L2HGDH: variants seen among roughly 807,000 people sequenced by gnomAD.
L2HGDH encodes L-2-hydroxyglutarate dehydrogenase, also known as L-2-hydroxyglutarate dehydrogenase, mitochondrial.
L2HGDH carries 34 observed loss-of-function variants against 51.5 expected under a neutral mutation model. The ratio of observed to expected loss-of-function variants is 0.66; its 90% CI spans 0.50 to 0.88. L2HGDH has a LOEUF of 0.88. L2HGDH is among the 40% of genes least tolerant of loss of function. L2HGDH has a pLI of 0.00. For synonymous variants in L2HGDH, 198 were observed against 197.9 expected (o/e 1.00, Z -0.01); for missense variants, 558 against 571.9 (o/e 0.98, Z 0.25).
chr14:50,257,964 G>C (rs914530116), intron 9 of L2HGDH, among the ~76,000 whole-genome samples: 3 of 151,202 alleles, frequency 2.0e-5, no homozygotes, highest in Non-Finnish European at 2.9e-5. Context: ...AATCATCTGG[G>C]AGGGGTTGGA....
At chr14:50,254,493 C>T (rs569423360) in intron 9 of L2HGDH, among the ~76,000 whole-genome samples, 1 of 152,062 alleles carries the variant, frequency 6.6e-6, no homozygotes, top group Non-Finnish European at 1.5e-5. Flanking sequence ...CTGAACTCAT[C>T]GAAGTAGCAT....
At chr14:50,260,438 GATCTAC>G (rs1270546156) in intron 9 of L2HGDH, among the ~76,000 whole-genome samples, 2 of 152,166 alleles carry the variant, frequency 1.3e-5, no homozygotes, top group Admixed American at 6.5e-5. Context: ...AAGCATTTAA[GATCTAC>G]ATATTTTATA....
At position 50,254,671 on chromosome 14, in the gene L2HGDH, A is replaced by T. The variant is rs147963510; in HGVS notation, c.1197-7418T>A. Among the ~76,000 whole-genome samples the T allele has an allele frequency of 5.1e-4, 77 of 152,214 alleles. No homozygotes were observed. The East Asian group carries it at 0.012, about 24-fold the overall frequency. ...TACACTTATTTTTCTTACAAACAAA[A>T]ATTATGTTCTCAATGTCCCCTATAC... is the stretch of plus-strand genomic sequence containing the variant. On this transcript the variant is annotated intron_variant, in intron 9 of 9. Transcript: ENST00000267436.
In L2HGDH at chr14:50,312,176, G is replaced by T. The variant is rs780832750; in HGVS notation, c.-26C>A. ...CCCCTACGCACGCTCCCCTCCCTCA[G>T]CGCTCAGAAGAAGCCACTTGACCCT... On this transcript the variant is annotated 5_prime_UTR_variant, in exon 1 of 10. In the 5' UTR this introduces an upstream ATG that the reference lacks. Transcript: ENST00000267436. 1 of 1,607,470 alleles carries T rather than the reference G, an allele frequency of 6.2e-7. No homozygotes were observed.
chr14:50,267,825 A>C lies in L2HGDH; in HGVS notation c.992T>G (p.Leu331Arg). 1 of 1,614,016 alleles carries C rather than the reference A, an allele frequency of 6.2e-7. No homozygotes were observed. Among genetic ancestry groups the C allele is most frequent in the South Asian group, 1.1e-5 (1 of 91,078 alleles). The stretch of plus-strand genomic sequence containing the variant: ...TCTGTAACCCTCTCGTTTAAAGGCA[A>C]GAACTGCATTAGGCCCTAGCCAAAT... ...GSIWLGPNAVLAFKREGYRPF... is the reference protein window; with the variant it reads ...GSIWLGPNAVRAFKREGYRPF... Residue 331 changes from leucine to arginine, a missense_variant, in exon 8 of 10, where the codon CTT becomes CGT. By Grantham distance (102) the Leu-to-Arg change is moderately radical. Transcript: ENST00000267436.
chr14:50,311,719 G>A (rs1421947322), intron 1 of L2HGDH, among the ~76,000 whole-genome samples: 1 of 152,200 alleles, frequency 6.6e-6, no homozygotes, highest in Non-Finnish European at 1.5e-5. Flanking sequence ...TCACAACTGA[G>A]CCTTTAAGGA....
chr14:50,287,403 C>T (rs1377530917), intron 4 of L2HGDH: 1 of 636,604 alleles, frequency 1.6e-6, no homozygotes, highest in Non-Finnish European at 2.0e-6. Flanking sequence ...TACCAGTAAT[C>T]CTGTTTTTCA....
intron 4 of L2HGDH, among the ~76,000 whole-genome samples, chr14:50,285,484 A>G (rs1175705655): frequency 1.3e-5 from 2 of 152,242 alleles, no homozygotes; most frequent in African/African-American, 4.8e-5. Context: ...AGACCTAGTC[A>G]TTGACTAAAT....
rs771556952 is a variant in L2HGDH, at chr14:50,302,980, C to T, written c.178G>A (p.Gly60Arg). 1 of 1,613,796 alleles carries T rather than the reference C, an allele frequency of 6.2e-7. No homozygotes were observed. The highest frequency in any genetic ancestry group is 1.1e-5 in the South Asian group (1 of 91,082). ...ATGAGTGCTCTGGCAGAGGCAAGCC[C>T]CACAATTCCGCCACCAACGATGACT... is the stretch of plus-strand genomic sequence containing the variant. ...DIVIVGGGIVGLASARALILR... is the reference protein window; with the variant it reads ...DIVIVGGGIVRLASARALILR... Residue 60 changes from glycine (G) to arginine (R), a missense_variant, in exon 2 of 10, where the codon GGG (glycine) becomes AGG (arginine). Around this residue, in one of 3 missense-constraint regions of L2HGDH, gnomAD observed 194 missense variants for 187.2 expected, o/e 1.04. Coordinates refer to ENST00000267436, the MANE Select transcript of L2HGDH (RefSeq NM_024884.3).
intron 9 of L2HGDH, among the ~76,000 whole-genome samples, 186 bp from the exon 10 acceptor site, chr14:50,247,439 G>C (rs1796123345): frequency 1.3e-5 from 2 of 152,168 alleles, no homozygotes; most frequent in Non-Finnish European, 2.9e-5. Context: ...TGTTAGCTTA[G>C]AGCCTAAAAC....
intron 5 of L2HGDH, among the ~76,000 whole-genome samples, chr14:50,279,366 A>G (rs550209475): frequency 6.8e-5 from 8 of 117,790 alleles, no homozygotes; most frequent in African/African-American, 2.3e-4. Flanking sequence ...CTCTAAGTGA[A>G]CTCTTAAACT....
At chr14:50,285,337 C>A (rs1890510331) in intron 4 of L2HGDH, among the ~76,000 whole-genome samples, 1 of 152,214 alleles carries the variant, frequency 6.6e-6, no homozygotes, top group Non-Finnish European at 1.5e-5. Flanking sequence ...AAAACATCAA[C>A]AGTCTCTTTT....
At chr14:50,288,083 C>T (rs1380841130) in intron 4 of L2HGDH, among the ~76,000 whole-genome samples, 4 of 152,104 alleles carry the variant, frequency 2.6e-5, no homozygotes, top group African/African-American at 9.7e-5. Flanking sequence ...ATTAGTATAT[C>T]AATCACCTCA....
In L2HGDH at chr14:50,302,040, T is replaced by C. The variant is rs2030440023; in HGVS notation, c.385A>G (p.Ile129Val). The change falls in exon 3 of 10, where the codon ATT becomes GTT. Residue 129 changes from isoleucine to valine, a missense_variant. Physicochemically the swap from Ile to Val is conservative, Grantham distance 29. Around this residue, in one of 3 missense-constraint regions of L2HGDH, gnomAD observed 194 missense variants for 187.2 expected, o/e 1.04. Transcript: ENST00000267436. ...LLYEYCQQKG[I>V]SYKQCGKLIV... ...ACCTTGCCACACTGCTTGTAGGAAA[T>C]TCCCTTTTGCTGACAGTACTCATAG... 1.2e-6 allele frequency: 2 copies of C among 1,614,100 alleles called. No homozygotes were observed. The highest frequency in any genetic ancestry group is 2.2e-5 in the East Asian group (1 of 44,868).
At chr14:50,252,237 C>T (rs1888403592) in intron 9 of L2HGDH, among the ~76,000 whole-genome samples, 1 of 151,824 alleles carries the variant, frequency 6.6e-6, no homozygotes, top group South Asian at 2.1e-4. Context: ...TATTTGCAAG[C>T]CTCATGGTAA....
At chr14:50,301,032 C>T (rs1258848985) in intron 3 of L2HGDH, among the ~76,000 whole-genome samples, 2 of 152,020 alleles carry the variant, frequency 1.3e-5, no homozygotes, top group African/African-American at 4.8e-5. Flanking sequence ...CACTATGTTG[C>T]CCGAGCTGGT....
chr14:50,258,172 T>G (rs1888789866), intron 9 of L2HGDH, among the ~76,000 whole-genome samples: 1 of 152,036 alleles, frequency 6.6e-6, no homozygotes, highest in South Asian at 2.1e-4. Flanking sequence ...ACAGCCAATC[T>G]TGTTTCATCT....
intron 6 of L2HGDH, among the ~76,000 whole-genome samples, chr14:50,275,306 C>T (rs1889915277): frequency 6.6e-6 from 1 of 152,206 alleles, no homozygotes; most frequent in Non-Finnish European, 1.5e-5. Flanking sequence ...ACAGCTAATG[C>T]TGAGTGCTCA....
At position 50,284,132 on chromosome 14, in the gene L2HGDH, T is replaced by C. The variant is rs975817701; in HGVS notation, c.541-99A>G. The C allele has an allele frequency of 1.1e-4, 132 of 1,174,738 alleles. No individual in the cohort carries two copies. In the African/African-American group the frequency reaches 1.4e-3, roughly 13 times the overall value. The allele number at this position is 1,174,738 out of a possible 1,614,324, so 72.8% of individuals were successfully genotyped here. A position where few individuals can be genotyped will look rare whatever the true frequency, so the allele number is the denominator to read the frequency against. On this transcript the variant is annotated intron_variant, in intron 4 of 9. Transcript: ENST00000267436. The stretch of plus-strand genomic sequence containing the variant: ...GAAACAATTTTGTCCTTTAGAGGAG[T>C]TGATTTTGCCAAGCTTTTCTTGCTG...
Sources: allele counts gnomAD v4.1 joint callset (sites outside exome capture counted in the v4.1 genomes callset), GRCh38; gene constraint gnomAD v4.1.1; regional missense constraint gnomAD v4.1.1; transcripts MANE v1.5; gene names NCBI Gene and HGNC (gene_info 2026-07-23, HGNC 2026-07-21).